The following BACE2 variants were observed in gnomAD, a reference collection of about 807,000 sequenced individuals.
The protein encoded by BACE2 is 56 kDa aspartic-like protease.
A neutral mutation model predicts 46.2 loss-of-function variants in BACE2; 17 were observed. The observed-to-expected ratio is 0.37, with a 90% CI of 0.25 to 0.55. The LOEUF is 0.55. BACE2 is among the 20% of genes least tolerant of loss of function. The probability of loss-of-function intolerance (pLI) is 0.82; values close to 1 mark genes in which losing one functional copy is unlikely to be tolerated. For missense variants in BACE2, 595 were observed against 698.1 expected (o/e 0.85, Z 1.66); for synonymous variants, 277 against 295.9 (o/e 0.94, Z 0.66).
intron 1 of BACE2, chr21:41,181,577 T>C (rs1430583126): frequency 1.8e-5 from 3 of 167,066 alleles, no homozygotes. Context: ...AGCTTCCACT[T>C]TTGTGTCATT....
chr21:41,245,356 C>G (rs1005734385), intron 5 of BACE2, among the ~76,000 whole-genome samples: 1 of 152,214 alleles, frequency 6.6e-6, no homozygotes, highest in Non-Finnish European at 1.5e-5. Context: ...GTTGGGGTGG[C>G]TCATCTGGTG....
chr21:41,209,667 G>A (rs1077338), intron 1 of BACE2, among the ~76,000 whole-genome samples: 55,099 of 151,966 alleles, frequency 0.36, 11,510 homozygotes, highest in African/African-American at 0.57. Flanking sequence ...ACAGACAAGG[G>A]GGCTGAGGCT....
chr21:41,198,756 G>A (rs1985830031), intron 1 of BACE2, among the ~76,000 whole-genome samples: 1 of 152,012 alleles, frequency 6.6e-6, no homozygotes, highest in Non-Finnish European at 1.5e-5. Flanking sequence ...TATGAGTACT[G>A]CTAGCAAAAA....
chr21:41,207,914 G>C (rs1410912150), intron 1 of BACE2, among the ~76,000 whole-genome samples: 1 of 152,232 alleles, frequency 6.6e-6, no homozygotes, highest in Non-Finnish European at 1.5e-5. Context: ...AGTGCTCTCA[G>C]CTGGGACACC....
chr21:41,232,868 AT>A (rs142089135), intron 2 of BACE2, among the ~76,000 whole-genome samples: 4,027 of 137,928 alleles, frequency 0.029, 116 homozygotes, highest in African/African-American at 0.086. Context: ...ACAGACTTGA[AT>A]TTTTTTTTTT....
At chr21:41,169,761 AAAAC>A (rs1984535213) in intron 1 of BACE2, among the ~76,000 whole-genome samples, 1 of 152,212 alleles carries the variant, frequency 6.6e-6, no homozygotes, top group African/African-American at 2.4e-5. Context: ...GGGGGAAAAA[AAAAC>A]CTTCAAAAGC....
intron 1 of BACE2, chr21:41,181,114 C>G (rs561302495): frequency 1.2e-5 from 2 of 167,198 alleles, no homozygotes; most frequent in East Asian, 3.9e-4. Flanking sequence ...TAGATTGTGA[C>G]CCCTGGAGGG....
intron 1 of BACE2, chr21:41,180,856 T>G (rs561660779): frequency 6.0e-6 from 1 of 167,128 alleles, no homozygotes; most frequent in South Asian, 2.1e-4. Flanking sequence ...GTTCAGCTAG[T>G]AAATAATCCA....
At chr21:41,202,522 C>T (rs1306748210) in intron 1 of BACE2, among the ~76,000 whole-genome samples, 1 of 152,220 alleles carries the variant, frequency 6.6e-6, no homozygotes, top group Non-Finnish European at 1.5e-5. Flanking sequence ...TTCCTGGGGA[C>T]AGGCACCAAG....
At chr21:41,194,046 G>A (rs1191931979) in intron 1 of BACE2, among the ~76,000 whole-genome samples, 3 of 152,180 alleles carry the variant, frequency 2.0e-5, no homozygotes, top group African/African-American at 7.2e-5. Flanking sequence ...CATTCAAGGG[G>A]TTCTGGGTCT....
chr21:41,173,578 T>C (rs556113169), intron 1 of BACE2, among the ~76,000 whole-genome samples: 80 of 152,222 alleles, frequency 5.3e-4, no homozygotes, highest in African/African-American at 1.9e-3. Context: ...AAACCCCATC[T>C]CTACTAAAAA....
chr21:41,210,773 G>C (rs772233932), intron 1 of BACE2, among the ~76,000 whole-genome samples: 2 of 152,174 alleles, frequency 1.3e-5, no homozygotes, highest in Non-Finnish European at 2.9e-5. Flanking sequence ...GCCTAACTGT[G>C]ATACACTTAA....
chr21:41,226,155 C>A, intron 1 of BACE2, 111 bp from the exon 2 acceptor site: 1 of 796,450 alleles, frequency 1.3e-6, no homozygotes. Flanking sequence ...TTTTTTGTTC[C>A]AACTGATAAA....
chr21:41,232,434 C>T (rs1241813884), intron 2 of BACE2, among the ~76,000 whole-genome samples: 3 of 152,166 alleles, frequency 2.0e-5, no homozygotes, highest in African/African-American at 7.2e-5. Flanking sequence ...AACAAACAAA[C>T]AAACAAAAAC....
At chr21:41,267,161 G>A (rs1430935701) in intron 8 of BACE2, among the ~76,000 whole-genome samples, 1 of 152,158 alleles carries the variant, frequency 6.6e-6, no homozygotes, top group South Asian at 2.1e-4. Context: ...GGAAGGTGAT[G>A]GGTATTTTGG....
Position 41,236,405 on chromosome 21 carries a change from C to T in BACE2, c.402-1108C>T, listed in dbSNP as rs568211062. Among the ~76,000 whole-genome samples the T allele has an allele frequency of 9.3e-4, 142 of 152,288 alleles. 1 individual carries two copies. Among genetic ancestry groups the T allele is most frequent in the Admixed American group, 2.1e-3 (32 of 15,302 alleles). On this transcript the variant is annotated intron_variant, in intron 2 of 8. Transcript: ENST00000330333. Reference sequence around the variant, plus strand: ...GCTCTCGTCCCGTAACCACCATTCCCGCATTCATTATCTCTCCTCACTGCA... The same window carrying T: ...GCTCTCGTCCCGTAACCACCATTCCTGCATTCATTATCTCTCCTCACTGCA...
At chr21:41,168,651 C>T (rs1038516831) in intron 1 of BACE2, 76 bp downstream of exon 1, 4 of 1,127,272 alleles carry the variant, frequency 3.5e-6, no homozygotes, top group Non-Finnish European at 2.3e-6. Context: ...CGCCTCCACG[C>T]GGCTTAGCGT....
At chr21:41,194,184 G>A (rs1035868134) in intron 1 of BACE2, among the ~76,000 whole-genome samples, 2 of 151,982 alleles carry the variant, frequency 1.3e-5, no homozygotes, top group African/African-American at 4.8e-5. Flanking sequence ...AATGCAGTGG[G>A]CTTCCTATCA....
intron 1 of BACE2, among the ~76,000 whole-genome samples, chr21:41,168,780 G>A (rs1984477802): frequency 6.6e-6 from 1 of 152,054 alleles, no homozygotes; most frequent in African/African-American, 2.4e-5. Flanking sequence ...CCCCGCCCGG[G>A]GCGCACTGAG....
Sources: gnomAD v4.1 joint callset for allele counts (sites outside exome capture counted in the v4.1 genomes callset) on GRCh38, gnomAD v4.1.1 for gene constraint, MANE v1.5 for transcripts, NCBI Gene and HGNC (gene_info 2026-07-23, HGNC 2026-07-21) for gene names.